The following VARS1 variants were observed in gnomAD, a reference collection of about 807,000 sequenced individuals.
VARS1 encodes valyl-tRNA synthetase 1.
VARS1 carries 92 observed loss-of-function variants against 161.0 expected under a neutral mutation model. The ratio of observed to expected loss-of-function variants is 0.57; its 90% CI spans 0.48 to 0.68. The LOEUF is 0.68. Ranked by LOEUF, VARS1 falls within the 30% of genes least tolerant of loss-of-function variation. VARS1 has a pLI of 0.00. For synonymous variants in VARS1, 595 were observed against 682.5 expected (o/e 0.87, Z 2.00); for missense variants, 1,338 against 1,695.9 (o/e 0.79, Z 3.71).
Position 31,777,674 on chromosome 6 carries a change from C to T in VARS1, c.3727-12G>A, listed in dbSNP as rs1255345086. ...TCTGTCTGTTGGAGCTGGAGTGGAACCAGGGGGTGGGTGAGGACCCAGGTC... is the reference window on the plus strand; with the variant it reads ...TCTGTCTGTTGGAGCTGGAGTGGAATCAGGGGGTGGGTGAGGACCCAGGTC... On this transcript the variant is annotated splice_polypyrimidine_tract_variant and intron_variant, in intron 29 of 29. Transcript: ENST00000375663. The surrounding 1 kb of genome is among the most constrained non-coding windows in gnomAD (Gnocchi z 5.8). The T allele has an allele frequency of 1.9e-6, 3 of 1,612,326 alleles. No individual in the cohort carries two copies. Among genetic ancestry groups the T allele is most frequent in the Non-Finnish European group, 8.5e-7 (1 of 1,179,264 alleles).
chr6:31,779,070 C>T lies in VARS1; in HGVS notation c.3623G>A (p.Arg1208Gln), dbSNP rs766385187. 26 of 1,612,400 alleles carry T rather than the reference C, an allele frequency of 1.6e-5. No homozygotes were observed. In the Middle Eastern group the frequency reaches 1.3e-3, roughly 82 times the overall value. Residue 1208 changes from arginine (R) to glutamine (Q), a missense_variant, in exon 29 of 30, where the codon CGA (arginine) becomes CAA (glutamine). By Grantham distance (43) the Arg-to-Gln change is conservative. This residue lies in a region of VARS1 where 433 missense variants were observed against 586.2 expected (regional missense o/e 0.74). Coordinates refer to ENST00000375663, the MANE Select transcript of VARS1 (RefSeq NM_006295.3). This position sits in a 1 kb window ranked among gnomAD's most constrained non-coding sequence, Gnocchi z 9.1. Reference sequence around the variant, plus strand: ...CTGGGCCTGCCGCTGGGCCTCAACTCGCTTGGCTTGCAGCTTGCCCAGCTC... The same window carrying T: ...CTGGGCCTGCCGCTGGGCCTCAACTTGCTTGGCTTGCAGCTTGCCCAGCTC... The part of the protein sequence containing the change: ...ARELGKLQAK[R>Q]VEAQRQAQRL...
chr6:31,777,729 C>G lies in VARS1; in HGVS notation c.3727-67G>C. On this transcript the variant is annotated intron_variant, in intron 29 of 29. Coordinates refer to ENST00000375663, the MANE Select transcript of VARS1 (RefSeq NM_006295.3). This position sits in a 1 kb window ranked among gnomAD's most constrained non-coding sequence, Gnocchi z 5.8. ...TGAAGAGACCCCCAAACACCCAGGA[C>G]AACAAAGTTGGAAAGATGAGCGAGG... 1 of 1,562,390 alleles carries G rather than the reference C, an allele frequency of 6.4e-7. No homozygotes were observed. Among genetic ancestry groups the G allele is most frequent in the Non-Finnish European group, 8.7e-7 (1 of 1,147,782 alleles).
At position 31,780,244 on chromosome 6, in the gene VARS1, G is replaced by A. The variant is rs1013729459; in HGVS notation, c.2926-91C>T. ...AGTCATGGGCAAATCTTCATCCAGA[G>A]TCTGATGAGTCCAAAGCAACCACCT... On this transcript the variant is annotated intron_variant, in intron 25 of 29. Transcript: ENST00000375663. This position sits in a 1 kb window ranked among gnomAD's most constrained non-coding sequence, Gnocchi z 5.1. The A allele has an allele frequency of 1.0e-4, 159 of 1,566,148 alleles. No individual in the cohort carries two copies. Among genetic ancestry groups the A allele is most frequent in the Middle Eastern group, 8.3e-4 (4 of 4,844 alleles).
Position 31,781,871 on chromosome 6 carries a change from G to A in VARS1, c.2323C>T (p.Pro775Ser), listed in dbSNP as rs140366323. ...CCTTGCTGGAGACTGATCTTGTCAG[G>A]GGACACTCCGAACTCCTTGGCTGCC... ...EKAAKEFGVS[P>S]DKISLQQDED... Residue 775 changes from proline (P) to serine (S), a missense_variant, in exon 19 of 30, where the codon CCT becomes TCT. Physicochemically the swap from Pro to Ser is moderately conservative, Grantham distance 74. This residue lies in a region of VARS1 where 902 missense variants were observed against 1,090.3 expected (regional missense o/e 0.83). Transcript: ENST00000375663. The surrounding 1 kb of genome is among the most constrained non-coding windows in gnomAD (Gnocchi z 6.8). 2.9e-5 allele frequency: 47 copies of A among 1,612,848 alleles called. No individual in the cohort carries two copies. The highest frequency in any genetic ancestry group is 3.8e-5 in the Non-Finnish European group (45 of 1,180,032).
At position 31,784,653 on chromosome 6, in the gene VARS1, C is replaced by T. The variant is rs1430605658; in HGVS notation, c.1409G>A (p.Arg470His). The change falls in exon 11 of 30, where the codon CGC (arginine) becomes CAC (histidine). Residue 470 changes from arginine to histidine, a missense_variant. By Grantham distance (29) the Arg-to-His change is conservative (BLOSUM62 0). Coordinates refer to ENST00000375663, the MANE Select transcript of VARS1 (RefSeq NM_006295.3). The surrounding 1 kb of genome is among the most constrained non-coding windows in gnomAD (Gnocchi z 6.1). ...VRLHEEGIIY[R>H]STRLVNWSCT... Reference sequence around the variant, plus strand: ...GGACCAGTTAACAAGGCGGGTACTGCGATAGATGATGCCTTCCTCGTGAAG... The same window carrying T: ...GGACCAGTTAACAAGGCGGGTACTGTGATAGATGATGCCTTCCTCGTGAAG... 7 of 1,612,996 alleles carry T rather than the reference C, an allele frequency of 4.3e-6. No individual in the cohort carries two copies. Among genetic ancestry groups the T allele is most frequent in the Admixed American group, 1.7e-5 (1 of 60,004 alleles).
At position 31,792,259 on chromosome 6, in the gene VARS1, C is replaced by T; in HGVS notation, c.829G>A (p.Val277Ile). ...PEKREKRDPG[V>I]ITYDLPTPPG... is the part of the protein sequence containing the mutation. ...GGGGTTGGGAGGTCATAGGTAATGA[C>T]CCCAGGATCCCGTTTCTCCCTCTTC... The change falls in exon 6 of 30, where the codon GTC becomes ATC. Residue 277 changes from valine (V) to isoleucine (I), a missense_variant. Coordinates refer to ENST00000375663, the MANE Select transcript of VARS1 (RefSeq NM_006295.3). The T allele has an allele frequency of 6.2e-7, 1 of 1,613,938 alleles. No homozygotes were observed. The highest frequency in any genetic ancestry group is 8.5e-7 in the Non-Finnish European group (1 of 1,179,972).
rs1813943555 is a variant in VARS1 at position 31,792,504 on chromosome 6, G to A, written c.674C>T (p.Pro225Leu). ...PLSHQPGPEA[P>L]ALPKTAAQLK... ...CTGAGCAGCTGTCTTTGGGAGGGCAGGAGCCTCGGGGCCTAGAGAGAGGTG... is the reference window on the plus strand; with the variant it reads ...CTGAGCAGCTGTCTTTGGGAGGGCAAGAGCCTCGGGGCCTAGAGAGAGGTG... The change falls in exon 5 of 30, where the codon CCT becomes CTT. Residue 225 changes from proline (P) to leucine (L), a missense_variant. This residue lies in a region of VARS1 where 902 missense variants were observed against 1,090.3 expected (regional missense o/e 0.83). Coordinates refer to ENST00000375663, the MANE Select transcript of VARS1 (RefSeq NM_006295.3). The A allele has an allele frequency of 6.2e-7, 1 of 1,613,834 alleles. No homozygotes were observed. The highest frequency in any genetic ancestry group is 8.5e-7 in the Non-Finnish European group (1 of 1,180,014).
chr6:31,781,203 G>C lies in VARS1; in HGVS notation c.2545-80C>G, dbSNP rs1813123741. Reference sequence around the variant, plus strand: ...AGTGCCCCGACCAGGACTGTGTCTGGTCTACCCCACTGTGAACCTCAGGTC... The same window carrying C: ...AGTGCCCCGACCAGGACTGTGTCTGCTCTACCCCACTGTGAACCTCAGGTC... On this transcript the variant is annotated intron_variant, in intron 21 of 29. Transcript: ENST00000375663. The surrounding 1 kb of genome is among the most constrained non-coding windows in gnomAD (Gnocchi z 6.8). 2 of 1,511,238 alleles carry C rather than the reference G, an allele frequency of 1.3e-6. No individual in the cohort carries two copies. Among genetic ancestry groups the C allele is most frequent in the Non-Finnish European group, 1.8e-6 (2 of 1,101,374 alleles). 93.6% of individuals were successfully genotyped at this position (1,511,238 alleles called of 1,614,324 possible). A position where few individuals can be genotyped will look rare whatever the true frequency, so the allele number is the denominator to read the frequency against.
Position 31,779,649 on chromosome 6 carries a change from G to A in VARS1, c.3247C>T (p.Pro1083Ser), listed in dbSNP as rs558932089. Residue 1083 changes from proline to serine, a missense_variant, in exon 27 of 30, where the codon CCC (proline) becomes TCC (serine). Physicochemically the swap from Pro to Ser is moderately conservative, Grantham distance 74. Coordinates refer to ENST00000375663, the MANE Select transcript of VARS1 (RefSeq NM_006295.3). The surrounding 1 kb of genome is among the most constrained non-coding windows in gnomAD (Gnocchi z 9.1). The part of the protein sequence containing the change: ...QRLPRRMPQA[P>S]PSLCVTPYPE... ...TAGGGGGTAACACAGAGGCTAGGGG[G>A]AGCTTGCGGCATCCTCCGGGGCAGC... 1 of 1,612,834 alleles carries A rather than the reference G, an allele frequency of 6.2e-7. No individual in the cohort carries two copies. Among genetic ancestry groups the A allele is most frequent in the African/African-American group, 1.3e-5 (1 of 75,042 alleles).
At position 31,793,905 on chromosome 6, in the gene VARS1, C is replaced by T. The variant is rs1360771137; in HGVS notation, c.388-785G>A. On this transcript the variant is annotated intron_variant, in intron 2 of 29. Coordinates refer to ENST00000375663, the MANE Select transcript of VARS1 (RefSeq NM_006295.3). ...ACCATCTGAGGTTAGGAGTTCGAGA[C>T]CAGCCTGGTCAACATGACAAAACCC... Among the ~76,000 whole-genome samples the T allele has an allele frequency of 5.3e-5, 8 of 151,846 alleles. No homozygotes were observed. In the South Asian group the frequency reaches 1.7e-3, roughly 32 times the overall value.
chr6:31,791,493 A>T lies in VARS1; in HGVS notation c.1100+117T>A. 1 of 1,390,904 alleles carries T rather than the reference A, an allele frequency of 7.2e-7. No individual in the cohort carries two copies. The highest frequency in any genetic ancestry group is 9.6e-7 in the Non-Finnish European group (1 of 1,042,740). 86.2% of individuals were successfully genotyped at this position (1,390,904 alleles called of 1,614,324 possible). A position where few individuals can be genotyped will look rare whatever the true frequency, so the allele number is the denominator to read the frequency against. ...GAATGACAGAGAGAAGTGTAGCACC[A>T]CTGGGGGCAGAAGTGAGCACCAACC... On this transcript the variant is annotated intron_variant, in intron 8 of 29. Coordinates refer to ENST00000375663, the MANE Select transcript of VARS1 (RefSeq NM_006295.3). This position sits in a 1 kb window ranked among gnomAD's most constrained non-coding sequence, Gnocchi z 5.0.
chr6:31,791,772 CTCAGGTCA>C lies in VARS1; in HGVS notation c.973-43_973-36del. The C allele has an allele frequency of 6.2e-7, 1 of 1,613,008 alleles. No homozygotes were observed. The highest frequency in any genetic ancestry group is 8.5e-7 in the Non-Finnish European group (1 of 1,180,024). On this transcript the variant is annotated intron_variant, in intron 7 of 29. Transcript: ENST00000375663. This position sits in a 1 kb window ranked among gnomAD's most constrained non-coding sequence, Gnocchi z 5.0. ...GAGAAGGATGGCACATGTTTAAGGC[CTCAGGTCA>C]CCTCTCCCAGCCCCTCCCAGGCAAC...
intron 8 of VARS1, among the ~76,000 whole-genome samples, chr6:31,786,665 C>CAAAAAAAAA (rs9279417): frequency 6.3e-5 from 2 of 31,596 alleles, no homozygotes; most frequent in Non-Finnish European, 5.6e-5. Context: ...GACTCTGTCT[C>CAAAAAAAAA]AAAAAAAAAA....
At position 31,791,962 on chromosome 6, in the gene VARS1, C is replaced by A; in HGVS notation, c.881G>T (p.Gly294Val). Residue 294 changes from glycine (G) to valine (V), a missense_variant, in exon 7 of 30, where the codon GGC (glycine) becomes GTC (valine). Gly to Val is a moderately radical substitution (Grantham distance 109, BLOSUM62 -3). Around this residue, in one of 3 missense-constraint regions of VARS1, gnomAD observed 902 missense variants for 1,090.3 expected, o/e 0.83. Transcript: ENST00000375663. The surrounding 1 kb of genome is among the most constrained non-coding windows in gnomAD (Gnocchi z 5.0). ...AGGGCTGTAGGAGTCGGGCATGGGG[C>A]CACTGACATCTGGGGGAGAGGAAGG... is the stretch of plus-strand genomic sequence containing the variant. ...TPPGEKKDVS[G>V]PMPDSYSPRY... 1 of 1,589,320 alleles carries A rather than the reference C, an allele frequency of 6.3e-7. No homozygotes were observed. The highest frequency in any genetic ancestry group is 8.6e-7 in the Non-Finnish European group (1 of 1,166,596).
rs535183490 is a variant in VARS1, at chr6:31,794,856, A to G, written c.362T>C (p.Leu121Pro). 6.6e-5 allele frequency: 106 copies of G among 1,606,312 alleles called. 1 individual carries two copies. In the South Asian group the frequency reaches 1.1e-3, roughly 17 times the overall value. The change falls in exon 2 of 30, where the codon CTC (leucine) becomes CCC (proline). Residue 121 changes from leucine to proline, a missense_variant. Physicochemically the swap from Leu to Pro is moderately conservative, Grantham distance 98. This residue lies in a region of VARS1 where 902 missense variants were observed against 1,090.3 expected (regional missense o/e 0.83). Coordinates refer to ENST00000375663, the MANE Select transcript of VARS1 (RefSeq NM_006295.3). ...ACGATLPALG[L>P]RSSAQDPQAV... The stretch of plus-strand genomic sequence containing the variant: ...CTGGGGGTCCTGGGCCGAGCTTCGG[A>G]GTCCCAGGGCCGGCAGCGTTGCTCC...
chr6:31,788,790 CAG>C (rs1160047156), intron 8 of VARS1, among the ~76,000 whole-genome samples: 3 of 151,932 alleles, frequency 2.0e-5, no homozygotes, highest in African/African-American at 7.2e-5. Context: ...GCCTGGGCGA[CAG>C]AGAGAGACTC....
At position 31,780,584 on chromosome 6, in the gene VARS1, G is replaced by A. The variant is rs1165941486; in HGVS notation, c.2798-16C>T. On this transcript the variant is annotated splice_polypyrimidine_tract_variant and intron_variant, in intron 24 of 29. Coordinates refer to ENST00000375663, the MANE Select transcript of VARS1 (RefSeq NM_006295.3). This position sits in a 1 kb window ranked among gnomAD's most constrained non-coding sequence, Gnocchi z 5.1. ...ATGTCACGACCTGGGTCGGGGGTGAGATGTGAGTCCTCATCACCCTCTTCC... is the reference window on the plus strand; with the variant it reads ...ATGTCACGACCTGGGTCGGGGGTGAAATGTGAGTCCTCATCACCCTCTTCC... 1 of 1,612,836 alleles carries A rather than the reference G, an allele frequency of 6.2e-7. No individual in the cohort carries two copies. Among genetic ancestry groups the A allele is most frequent in the Non-Finnish European group, 8.5e-7 (1 of 1,179,316 alleles).
At chr6:31,792,918 C>T in intron 3 of VARS1, 23 bp from the exon 4 acceptor site, 1 of 1,614,234 alleles carries the variant, frequency 6.2e-7, no homozygotes, top group Non-Finnish European at 8.5e-7. Flanking sequence ...ATAAATGACT[C>T]TTCTCAGTCA....
At position 31,782,768 on chromosome 6, in the gene VARS1, T is replaced by C; in HGVS notation, c.1840A>G (p.Ile614Val). Residue 614 changes from isoleucine to valine, a missense_variant, in exon 15 of 30, where the codon ATC (isoleucine) becomes GTC (valine). Physicochemically the swap from Ile to Val is conservative, Grantham distance 29 (BLOSUM62 3). Transcript: ENST00000375663. The surrounding 1 kb of genome is among the most constrained non-coding windows in gnomAD (Gnocchi z 8.3). ...GQRHGLEAIS[I>V]MDSRGALINV... ...ATGAGGGCCCCCCGGGAGTCCATGA[T>C]GCTGATGGCCTCCAGCCCGTGCCGC... 1 of 1,613,082 alleles carries C rather than the reference T, an allele frequency of 6.2e-7. No individual in the cohort carries two copies. Among genetic ancestry groups the C allele is most frequent in the East Asian group, 2.2e-5 (1 of 44,874 alleles).
Sources: gnomAD v4.1 joint callset for allele counts (sites outside exome capture counted in the v4.1 genomes callset) on GRCh38, gnomAD v4.1.1 for gene constraint, gnomAD v4.1.1 regional missense constraint, Gnocchi (gnomAD v3.1) non-coding constraint, MANE v1.5 for transcripts, NCBI Gene and HGNC (gene_info 2026-07-23, HGNC 2026-07-21) for gene names.